SHANK2: variants seen among roughly 807,000 people sequenced by gnomAD.
SHANK2 encodes the protein SH3 and multiple ankyrin repeat domains protein 2.
SHANK2 carries 43 observed loss-of-function variants against 133.7 expected under a neutral mutation model. The ratio of observed to expected loss-of-function variants is 0.32; its 90% CI spans 0.25 to 0.41. The LOEUF (loss-of-function observed/expected upper bound fraction) is 0.41, where lower values mean the gene tolerates loss of function less well. Ranked by LOEUF, SHANK2 falls within the 10% of genes least tolerant of loss-of-function variation. The pLI is 1.00. For missense variants in SHANK2, 1,994 were observed against 2,235.8 expected (o/e 0.89, Z 2.18); for synonymous variants, 1,017 against 952.8 (o/e 1.07, Z -1.24).
chr11:70,575,915 C>A (rs907850108), intron 17 of SHANK2, among the ~76,000 whole-genome samples: 2 of 151,920 alleles, frequency 1.3e-5, no homozygotes, highest in Admixed American at 1.3e-4. Context: ...ACGGCAGAAT[C>A]CCCTGGGCCG....
At chr11:70,706,173 A>C (rs1945658699) in intron 14 of SHANK2, 1 of 152,586 alleles carries the variant, frequency 6.6e-6, no homozygotes, top group Non-Finnish European at 1.5e-5. Flanking sequence ...TCTCTTGAAC[A>C]AGTCGAGCTC....
chr11:71,138,071 C>T (rs1447925493), intron 3 of SHANK2, among the ~76,000 whole-genome samples: 3 of 148,748 alleles, frequency 2.0e-5, no homozygotes, highest in Non-Finnish European at 4.5e-5. Flanking sequence ...AATGGGTGGG[C>T]GCACACATAC....
Position 70,667,899 on chromosome 11 carries a change from GC to G in SHANK2, c.1854-6222del, listed in dbSNP as rs1315296045. 2.0e-5 allele frequency: 3 copies of G among 152,336 alleles called. No individual in the cohort carries two copies. The East Asian group carries it at 5.8e-4, about 29-fold the overall frequency. 9.4% of individuals were successfully genotyped at this position (152,336 alleles called of 1,614,324 possible). ...TCTCAGGATCCCAGCTGGGTTGGTG[GC>G]CCCGTCTGGTGACAGCTTTAGTTCT... is the stretch of plus-strand genomic sequence containing the variant. On this transcript the variant is annotated intron_variant, in intron 15 of 25. Transcript: ENST00000601538.
At chr11:70,915,641 A>G (rs1253969867) in intron 10 of SHANK2, among the ~76,000 whole-genome samples, 5 of 152,134 alleles carry the variant, frequency 3.3e-5, no homozygotes, top group African/African-American at 1.2e-4. Context: ...TGCAAGGTCC[A>G]GGAGGGAGTT....
chr11:70,759,478 T>C (rs1946943884), intron 14 of SHANK2, among the ~76,000 whole-genome samples: 1 of 152,130 alleles, frequency 6.6e-6, no homozygotes, highest in African/African-American at 2.4e-5. Flanking sequence ...CAAGACTCCA[T>C]CTCAAAAACA....
At chr11:70,819,079 G>A (rs1948463746) in intron 12 of SHANK2, among the ~76,000 whole-genome samples, 1 of 152,224 alleles carries the variant, frequency 6.6e-6, no homozygotes, top group African/African-American at 2.4e-5. Context: ...TGGCTTTGAG[G>A]CCAGGGAGGA....
At chr11:71,088,792 G>A (rs1179551657) in intron 8 of SHANK2, among the ~76,000 whole-genome samples, 1 of 142,332 alleles carries the variant, frequency 7.0e-6, no homozygotes, top group Admixed American at 7.0e-5. Flanking sequence ...GTGGGTGACT[G>A]CACCACCCCA....
Position 70,809,182 on chromosome 11 carries a change from A to C in SHANK2, c.1494-2011T>G, listed in dbSNP as rs571609291. Among the ~76,000 whole-genome samples the C allele has an allele frequency of 3.9e-5, 6 of 152,348 alleles. No individual in the cohort carries two copies. In the South Asian group the frequency reaches 8.3e-4, roughly 21 times the overall value. On this transcript the variant is annotated intron_variant, in intron 12 of 25. Coordinates refer to ENST00000601538, the MANE Select transcript of SHANK2 (RefSeq NM_012309.5). Reference sequence around the variant, plus strand: ...CTCCCGGGCACATGCTCAGAAAGACAGGGAAAGTGTCCACCTGCGGCTGGC... The same window carrying C: ...CTCCCGGGCACATGCTCAGAAAGACCGGGAAAGTGTCCACCTGCGGCTGGC...
chr11:70,797,832 T>TAC (rs368707688), intron 14 of SHANK2, among the ~76,000 whole-genome samples: 56,700 of 141,774 alleles, frequency 0.4, 11,263 homozygotes, highest in East Asian at 0.49. Context: ...TCCACTCTCA[T>TAC]ACACACACAC....
At chr11:70,705,660 TAA>T (rs1945647688) in intron 14 of SHANK2, 1 of 152,216 alleles carries the variant, frequency 6.6e-6, no homozygotes, top group Non-Finnish European at 1.5e-5. Context: ...TCTGCTTCCT[TAA>T]CCATGGAGAA....
chr11:70,575,518 C>CA (rs71049923), intron 17 of SHANK2, among the ~76,000 whole-genome samples: 4,634 of 139,600 alleles, frequency 0.033, 126 homozygotes, highest in East Asian at 0.14. Flanking sequence ...GACTCTGCCT[C>CA]AAAAAAAAAA....
intron 14 of SHANK2, among the ~76,000 whole-genome samples, chr11:70,721,031 G>T (rs1188419544): frequency 6.6e-6 from 1 of 152,066 alleles, no homozygotes; most frequent in Non-Finnish European, 1.5e-5. Flanking sequence ...CTGAGCCCGG[G>T]CTTCCGTGTG....
chr11:70,941,965 G>A (rs1354625716), intron 10 of SHANK2, among the ~76,000 whole-genome samples: 1 of 152,084 alleles, frequency 6.6e-6, no homozygotes, highest in Non-Finnish European at 1.5e-5. Context: ...GGGCCAAGGT[G>A]GATGGATCAC....
rs782295426 is a variant in SHANK2 at position 70,487,380 on chromosome 11, G to A, written c.2913C>T (p.Ala971=). 1.9e-6 allele frequency: 3 copies of A among 1,614,124 alleles called. No individual in the cohort carries two copies. The highest frequency in any genetic ancestry group is 2.2e-5 in the South Asian group (2 of 91,076). Residue 971 remains alanine, a synonymous_variant, in exon 25 of 26, where the codon GCC becomes GCT. Coordinates refer to ENST00000601538, the MANE Select transcript of SHANK2 (RefSeq NM_012309.5). This position sits in a 1 kb window ranked among gnomAD's most constrained non-coding sequence, Gnocchi z 5.8. ...LDSEDLYSRN[A]GPQANFRNKR... Reference sequence around the variant, plus strand: ...TGTTGCGGAAGTTGGCTTGCGGGCCGGCATTCCGACTGTAGAGGTCTTCAG... The same window carrying A: ...TGTTGCGGAAGTTGGCTTGCGGGCCAGCATTCCGACTGTAGAGGTCTTCAG...
intron 13 of SHANK2, among the ~76,000 whole-genome samples, chr11:70,801,894 C>G (rs1948054410): frequency 6.6e-6 from 1 of 152,146 alleles, no homozygotes; most frequent in Non-Finnish European, 1.5e-5. Context: ...GTCCCTGGAG[C>G]CCCAGACTTG....
At chr11:70,889,236 C>A (rs782451477) in intron 11 of SHANK2, among the ~76,000 whole-genome samples, 31 of 152,124 alleles carry the variant, frequency 2.0e-4, no homozygotes, top group Admixed American at 5.9e-4. Flanking sequence ...GAGATATACA[C>A]AGGGGAAGCC....
At chr11:71,144,436 A>G (rs1209855242) in intron 3 of SHANK2, among the ~76,000 whole-genome samples, 5 of 152,132 alleles carry the variant, frequency 3.3e-5, no homozygotes, top group Non-Finnish European at 7.4e-5. Flanking sequence ...AGGATTCCAG[A>G]GCTCCAGGGA....
intron 9 of SHANK2, among the ~76,000 whole-genome samples, chr11:71,060,051 C>T (rs1378872509): frequency 6.6e-6 from 1 of 152,198 alleles, no homozygotes; most frequent in South Asian, 2.1e-4. Flanking sequence ...AGAGCCCCTG[C>T]ACCCCGATTC....
chr11:70,792,398 A>ACCAG (rs1337914950), intron 14 of SHANK2, among the ~76,000 whole-genome samples: 8 of 45,386 alleles, frequency 1.8e-4, no homozygotes, highest in South Asian at 8.3e-4. Context: ...CAACCAGCCA[A>ACCAG]CCAACCAACC....
Sources: gnomAD v4.1 joint callset for allele counts (sites outside exome capture counted in the v4.1 genomes callset) on GRCh38, gnomAD v4.1.1 for gene constraint, Gnocchi (gnomAD v3.1) non-coding constraint, MANE v1.5 for transcripts, NCBI Gene and HGNC (gene_info 2026-07-23, HGNC 2026-07-21) for gene names.